Variants in CLASP1 observed in about 807,000 individuals in gnomAD.
CLASP1 encodes the protein CLIP-associating protein 1.
Under a neutral mutation model 192.3 loss-of-function variants are expected in CLASP1, and 38 were observed. The observed-to-expected ratio is 0.20, with a 90% CI of 0.15 to 0.26. The LOEUF is 0.26. Ranked by LOEUF, CLASP1 falls within the 10% of genes least tolerant of loss-of-function variation. The pLI is 1.00. For missense variants in CLASP1, 1,433 were observed against 1,932.5 expected, an observed-to-expected ratio of 0.74 and a Z score of 4.85; for synonymous variants, 691 against 712.8, an observed-to-expected ratio of 0.97 and a Z score of 0.49.
intron 1 of CLASP1, among the ~76,000 whole-genome samples, chr2:121,619,771 T>C (rs10173198): frequency 0.23 from 35,037 of 152,098 alleles, 6,048 homozygotes; most frequent in African/African-American, 0.48. Flanking sequence ...CCTCCTGTGG[T>C]AGGTTTAGGC....
At chr2:121,515,667 G>C (rs1443223610) in exon 7 of CLASP1, 2 of 1,613,396 alleles carry the variant, frequency 1.2e-6, no homozygotes, top group East Asian at 2.2e-5. Flanking sequence ...GCACTCACCG[G>C]GACTGTGGCA....
chr2:121,500,725 G>C (rs1319114030), intron 8 of CLASP1, among the ~76,000 whole-genome samples: 2 of 152,114 alleles, frequency 1.3e-5, no homozygotes, highest in African/African-American at 4.8e-5. Flanking sequence ...TATACATATG[G>C]CTATATAGTA....
chr2:121,381,549 G>C (rs981706894), intron 33 of CLASP1, among the ~76,000 whole-genome samples: 1 of 152,160 alleles, frequency 6.6e-6, no homozygotes, highest in South Asian at 2.1e-4. Context: ...CCTTCTTCCA[G>C]ACTCATAACA....
At chr2:121,609,890 G>A (rs1046331731) in intron 1 of CLASP1, among the ~76,000 whole-genome samples, 10 of 152,066 alleles carry the variant, frequency 6.6e-5, no homozygotes, top group African/African-American at 2.2e-4. Context: ...GCAGTGAGCC[G>A]ATCACGCCAC....
At chr2:121,588,173 C>CAAAAAAA (rs397769809) in intron 2 of CLASP1, among the ~76,000 whole-genome samples, 2 of 61,064 alleles carry the variant, frequency 3.3e-5, no homozygotes, top group South Asian at 5.8e-4. Flanking sequence ...GACTCCGTCT[C>CAAAAAAA]AAAAAAAAAA....
At chr2:121,478,878 ACACACACAC>A (rs2092206354) in intron 8 of CLASP1, among the ~76,000 whole-genome samples, 1 of 43,168 alleles carries the variant, frequency 2.3e-5, no homozygotes, top group Non-Finnish European at 4.8e-5. Context: ...ACACCACACC[ACACACACAC>A]CACACACACA....
chr2:121,440,678 A>G (rs1331472149), intron 19 of CLASP1, among the ~76,000 whole-genome samples: 1 of 152,246 alleles, frequency 6.6e-6, no homozygotes, highest in Non-Finnish European at 1.5e-5. Context: ...GTGACAGAGT[A>G]AGACCCCACC....
chr2:121,451,813 T>C lies in CLASP1; in HGVS notation c.1422A>G (p.Glu474=), dbSNP rs1213310259. 7.0e-6 allele frequency: 11 copies of C among 1,575,796 alleles called. No individual in the cohort carries two copies. In the Middle Eastern group the frequency reaches 8.3e-4, roughly 119 times the overall value. The change falls in exon 15 of 40, where the codon GAA becomes GAG. Residue 474 remains glutamate, a synonymous_variant. Coordinates refer to ENST00000263710, the Ensembl canonical transcript of CLASP1. ...ACCGTTCTAGTGAATGTGTCTGCCA[T>C]TCTTGTAAAAGCAAATCTAAAAATT...
At chr2:121,502,414 G>A (rs1282998910) in intron 8 of CLASP1, among the ~76,000 whole-genome samples, 1 of 152,150 alleles carries the variant, frequency 6.6e-6, no homozygotes, top group Non-Finnish European at 1.5e-5. Flanking sequence ...ATGCTATTCT[G>A]GTGGCCTCAG....
At chr2:121,519,154 A>G (rs1314602287) in intron 6 of CLASP1, among the ~76,000 whole-genome samples, 1 of 152,238 alleles carries the variant, frequency 6.6e-6, no homozygotes, top group Non-Finnish European at 1.5e-5. Context: ...CCATTTAGGG[A>G]GCTGTGTAAC....
chr2:121,420,703 A>G (rs1341392045), intron 22 of CLASP1, among the ~76,000 whole-genome samples: 1 of 152,206 alleles, frequency 6.6e-6, no homozygotes, highest in Non-Finnish European at 1.5e-5. Context: ...AAAAGCTATA[A>G]AAGGTCTTGA....
intron 19 of CLASP1, among the ~76,000 whole-genome samples, chr2:121,431,876 T>A: frequency 6.6e-6 from 1 of 152,130 alleles, no homozygotes; most frequent in East Asian, 1.9e-4. Context: ...TTTGCTAATA[T>A]TTTATGTGAA....
In CLASP1 at chr2:121,363,280, C is replaced by T. The variant is rs548342902; in HGVS notation, c.4098G>A (p.Ala1366=). 58 of 1,613,790 alleles carry T rather than the reference C, an allele frequency of 3.6e-5. No individual in the cohort carries two copies. The East Asian group carries it at 4.0e-4, about 11-fold the overall frequency. The change falls in exon 37 of 40, where the codon GCG becomes GCA. Residue 1366 remains alanine (A), a synonymous_variant. Coordinates refer to ENST00000263710, the Ensembl canonical transcript of CLASP1. ...TCAGAATTTCCCTCAAAACTCTTAA[C>T]GCCAGTGCTCGAATTGAATGCTAGA...
intron 39 of CLASP1, among the ~76,000 whole-genome samples, chr2:121,344,110 A>G (rs2063138427): frequency 6.6e-6 from 1 of 151,986 alleles, no homozygotes; most frequent in East Asian, 1.9e-4. Flanking sequence ...ATTATACCAC[A>G]ATAAAAAGAC....
intron 6 of CLASP1, among the ~76,000 whole-genome samples, chr2:121,516,161 T>C (rs911286074): frequency 2.0e-5 from 3 of 152,164 alleles, no homozygotes; most frequent in Non-Finnish European, 4.4e-5. Context: ...AACAAATACT[T>C]AATGAGCAAC....
At chr2:121,478,830 C>CCACACCCCA (rs2092149490) in intron 8 of CLASP1, among the ~76,000 whole-genome samples, 1 of 59,786 alleles carries the variant, frequency 1.7e-5, no homozygotes, top group Non-Finnish European at 3.2e-5. Flanking sequence ...CAACCACACA[C>CCACACCCCA]CACACACCAC....
chr2:121,358,819 G>T (rs2065858817), intron 37 of CLASP1, among the ~76,000 whole-genome samples: 1 of 152,202 alleles, frequency 6.6e-6, no homozygotes, highest in South Asian at 2.1e-4. Context: ...ACCACTTGAA[G>T]CTGGATTCTG....
chr2:121,449,060 C>A (rs760381151), exon 17 of CLASP1: 1 of 1,613,796 alleles, frequency 6.2e-7, no homozygotes, highest in African/African-American at 1.3e-5. Flanking sequence ...AGGAGGACTC[C>A]AAGGTGTGGT....
At chr2:121,573,251 C>T (rs749138441) in intron 2 of CLASP1, among the ~76,000 whole-genome samples, 4 of 152,164 alleles carry the variant, frequency 2.6e-5, no homozygotes, top group Admixed American at 6.5e-5. Context: ...TGAGCCACCG[C>T]GCCCAGCTGA....
Sources: gnomAD v4.1 joint callset for allele counts (sites outside exome capture counted in the v4.1 genomes callset) on GRCh38, gnomAD v4.1.1 for gene constraint, MANE v1.5 for transcripts, NCBI Gene and HGNC (gene_info 2026-07-23, HGNC 2026-07-21) for gene names.